TAFA2: variants seen among roughly 807,000 people sequenced by gnomAD.
The protein encoded by TAFA2 is chemokine-like protein TAFA-2.
TAFA2 carries 7 observed loss-of-function variants against 18.8 expected under a neutral mutation model. The observed-to-expected ratio is 0.37, with a 90% CI of 0.21 to 0.70. TAFA2 has a LOEUF of 0.70. Ranked by LOEUF, TAFA2 falls within the 30% of genes least tolerant of loss-of-function variation. The pLI is 0.53. For missense variants in TAFA2, 122 were observed against 158.1 expected (o/e 0.77, Z 1.23); for synonymous variants, 60 against 54.2 (o/e 1.11, Z -0.47).
At chr12:61,720,761 C>T (rs1185476494) in intron 4 of TAFA2, 2 of 384,224 alleles carry the variant, frequency 5.2e-6, no homozygotes, top group Non-Finnish European at 1.0e-5. Context: ...AAACTTCTGT[C>T]CCTTCCTTAG....
At chr12:62,112,665 G>C (rs1183949397) in intron 1 of TAFA2, among the ~76,000 whole-genome samples, 1 of 152,012 alleles carries the variant, frequency 6.6e-6, no homozygotes, top group East Asian at 1.9e-4. Context: ...ATATTTCTTG[G>C]AGGCTTTCTT....
At chr12:61,820,403 A>C (rs1215739400) in intron 2 of TAFA2, among the ~76,000 whole-genome samples, 1 of 152,030 alleles carries the variant, frequency 6.6e-6, no homozygotes, top group Admixed American at 6.6e-5. Context: ...TCTGATTTTT[A>C]CTTAACTCTA....
At chr12:61,799,562 C>T (rs1871321345) in intron 2 of TAFA2, among the ~76,000 whole-genome samples, 1 of 152,160 alleles carries the variant, frequency 6.6e-6, no homozygotes, top group Non-Finnish European at 1.5e-5. Context: ...GTGGCTCACG[C>T]CTGTAACCCC....
chr12:61,867,373 A>G lies in TAFA2; in HGVS notation c.53T>C (p.Ile18Thr). 6.2e-7 allele frequency: 1 copy of G among 1,609,544 alleles called. No homozygotes were observed. Among genetic ancestry groups the G allele is most frequent in the Non-Finnish European group, 8.5e-7 (1 of 1,176,958 alleles). Reference protein sequence around the residue: ...KATKGKLLIIIFIVTLWGKVV... With the variant: ...KATKGKLLIITFIVTLWGKVV... ...TTTCCCCCACAAGGTTACAATAAAT[A>G]TTATTATTAGCAGTTTTCCTTTTGT... The change falls in exon 2 of 5, where the codon ATA becomes ACA. Residue 18 changes from isoleucine (I) to threonine (T), a missense_variant. By Grantham distance (89) the Ile-to-Thr change is moderately conservative. Coordinates refer to ENST00000416284, the MANE Select transcript of TAFA2 (RefSeq NM_178539.5).
chr12:62,169,342 T>A lies in TAFA2; in HGVS notation c.-2+21917A>T, dbSNP rs562345943. Among the ~76,000 whole-genome samples, 8 of 152,268 alleles carry A rather than the reference T, an allele frequency of 5.3e-5. No individual in the cohort carries two copies. In the South Asian group the frequency reaches 1.7e-3, roughly 32 times the overall value. ...TCTGATTCCAAAGTCTATGTTATCT[T>A]CAATACACCTACGATGCCTCTCAAA... On this transcript the variant is annotated intron_variant, in intron 1 of 4. Coordinates refer to ENST00000416284, the MANE Select transcript of TAFA2 (RefSeq NM_178539.5).
chr12:62,103,997 T>G (rs1363079221), intron 1 of TAFA2, among the ~76,000 whole-genome samples: 2 of 152,222 alleles, frequency 1.3e-5, no homozygotes, highest in Non-Finnish European at 2.9e-5. Flanking sequence ...TTTAGACTTC[T>G]GCAATTCCAC....
At chr12:62,151,301 C>G (rs2062327001) in intron 1 of TAFA2, among the ~76,000 whole-genome samples, 1 of 152,138 alleles carries the variant, frequency 6.6e-6, no homozygotes, top group Non-Finnish European at 1.5e-5. Flanking sequence ...ATGCTGAAGG[C>G]CACCCACAGT....
At chr12:62,059,110 A>T (rs965005617) in intron 1 of TAFA2, among the ~76,000 whole-genome samples, 2 of 87,426 alleles carry the variant, frequency 2.3e-5, no homozygotes, top group African/African-American at 7.9e-5. Flanking sequence ...CTCAAAAAAA[A>T]TAATAATAAT....
intron 4 of TAFA2, among the ~76,000 whole-genome samples, chr12:61,730,215 G>A (rs1430507532): frequency 6.6e-6 from 1 of 152,128 alleles, no homozygotes; most frequent in Non-Finnish European, 1.5e-5. Flanking sequence ...TGCTAGCAGT[G>A]AAGCTGTCAC....
intron 4 of TAFA2, among the ~76,000 whole-genome samples, chr12:61,718,158 C>G (rs1216971000): frequency 6.6e-6 from 1 of 152,136 alleles, no homozygotes; most frequent in Admixed American, 6.6e-5. Context: ...AAATGAAGAT[C>G]TTGACTGGAA....
At chr12:61,778,331 C>T (rs76273840) in intron 2 of TAFA2, among the ~76,000 whole-genome samples, 46 of 151,836 alleles carry the variant, frequency 3.0e-4, no homozygotes, top group African/African-American at 1.0e-3. Flanking sequence ...ATCCCCACCC[C>T]CCAACTCTTG....
At chr12:61,825,619 A>G (rs1365546696) in intron 2 of TAFA2, among the ~76,000 whole-genome samples, 1 of 152,126 alleles carries the variant, frequency 6.6e-6, no homozygotes, top group Non-Finnish European at 1.5e-5. Context: ...CGACAAAGCA[A>G]CAAGGATCTT....
intron 1 of TAFA2, among the ~76,000 whole-genome samples, chr12:62,247,054 C>T (rs547623094): frequency 3.3e-4 from 50 of 152,012 alleles, no homozygotes; most frequent in Middle Eastern, 6.8e-3. Flanking sequence ...TATGCTATGC[C>T]TTCCATTGCT....
At chr12:61,811,638 G>A (rs774843524) in intron 2 of TAFA2, among the ~76,000 whole-genome samples, 14 of 151,360 alleles carry the variant, frequency 9.2e-5, no homozygotes, top group Non-Finnish European at 1.9e-4. Context: ...GCAGAGTATT[G>A]TGAGACTTTA....
chr12:62,169,473 A>C (rs1337740364), intron 1 of TAFA2, among the ~76,000 whole-genome samples: 1 of 152,168 alleles, frequency 6.6e-6, no homozygotes, highest in African/African-American at 2.4e-5. Flanking sequence ...TTTAGTAAAA[A>C]TTTTGTAAGT....
At chr12:61,814,867 A>G (rs904805410) in intron 2 of TAFA2, among the ~76,000 whole-genome samples, 1 of 151,484 alleles carries the variant, frequency 6.6e-6, no homozygotes, top group Non-Finnish European at 1.5e-5. Flanking sequence ...GCCACAAGCC[A>G]AGTAATGTCA....
intron 1 of TAFA2, among the ~76,000 whole-genome samples, chr12:62,212,485 C>T (rs902359898): frequency 2.6e-5 from 4 of 152,162 alleles, no homozygotes; most frequent in Non-Finnish European, 5.9e-5. Context: ...TCCTTTCTGC[C>T]CCCATTAGAC....
In TAFA2 at chr12:61,736,374, G is replaced by A. The variant is rs147533612; in HGVS notation, c.384+17248C>T. Among the ~76,000 whole-genome samples, 394 of 152,054 alleles carry A rather than the reference G, an allele frequency of 2.6e-3. 1 individual carries two copies. Among genetic ancestry groups the A allele is most frequent in the Middle Eastern group, 0.024 (7 of 294 alleles). On this transcript the variant is annotated intron_variant, in intron 4 of 4. Coordinates refer to ENST00000416284, the MANE Select transcript of TAFA2 (RefSeq NM_178539.5). ...GGGATGAGGGGAGGAGAAACTTAAC[G>A]ATATCACCTGATCTATTACTAAAAC... is the stretch of plus-strand genomic sequence containing the variant.
chr12:61,941,234 T>C (rs967850149), intron 1 of TAFA2, among the ~76,000 whole-genome samples: 2 of 152,188 alleles, frequency 1.3e-5, no homozygotes, highest in African/African-American at 2.4e-5. Context: ...AACTTTTATA[T>C]AGACTACATG....
Sources: allele counts gnomAD v4.1 joint callset (sites outside exome capture counted in the v4.1 genomes callset), GRCh38; gene constraint gnomAD v4.1.1; transcripts MANE v1.5; gene names NCBI Gene and HGNC (gene_info 2026-07-23, HGNC 2026-07-21).